The following C7orf33 variants were observed in gnomAD, a reference collection of about 807,000 sequenced individuals.
The protein encoded by C7orf33 is chromosome 7 open reading frame 33.
C7orf33 carries 15 observed loss-of-function variants against 13.4 expected under a neutral mutation model. The observed-to-expected ratio is 1.12, with a 90% CI of 0.75 to 1.72. C7orf33 has a LOEUF of 1.72. Among genes scored for constraint, C7orf33 ranks in the 40% most tolerant of loss-of-function variants. The probability of loss-of-function intolerance (pLI) is 0.00; values close to 1 mark genes in which losing one functional copy is unlikely to be tolerated. For synonymous variants in C7orf33, 73 were observed against 83.2 expected, an observed-to-expected ratio of 0.88 and a Z score of 0.67; for missense variants, 187 against 220.3, an observed-to-expected ratio of 0.85 and a Z score of 0.96.
intron 1 of C7orf33, among the ~76,000 whole-genome samples, chr7:148,592,535 G>A (rs537740150): frequency 5.2e-4 from 76 of 147,016 alleles, no homozygotes; most frequent in Admixed American, 1.8e-3. Flanking sequence ...TTTTTTTTGA[G>A]ATGGAGTCTA....
chr7:148,598,725 G>GAT (rs1161811167), intron 1 of C7orf33, among the ~76,000 whole-genome samples: 38 of 24,388 alleles, frequency 1.6e-3, no homozygotes, highest in South Asian at 3.7e-3. Context: ...TTCATTCCTG[G>GAT]ATATATATAT....
intron 1 of C7orf33, among the ~76,000 whole-genome samples, chr7:148,596,912 G>A (rs1009487969): frequency 6.6e-6 from 1 of 152,166 alleles, no homozygotes; most frequent in Non-Finnish European, 1.5e-5. Flanking sequence ...GAATCCTACA[G>A]TCCGTGGCCT....
At chr7:148,601,309 T>C (rs1236069849) in intron 1 of C7orf33, among the ~76,000 whole-genome samples, 1 of 152,206 alleles carries the variant, frequency 6.6e-6, no homozygotes, top group Non-Finnish European at 1.5e-5. Context: ...GATTCTTTAG[T>C]AGCAGGTTAT....
chr7:148,604,704 T>C (rs1310652660), intron 1 of C7orf33, among the ~76,000 whole-genome samples: 1 of 152,062 alleles, frequency 6.6e-6, no homozygotes, highest in Admixed American at 6.6e-5. Context: ...CAAAAACCTA[T>C]TGAAATTTTA....
At chr7:148,597,617 A>G (rs1796354762) in intron 1 of C7orf33, among the ~76,000 whole-genome samples, 1 of 152,186 alleles carries the variant, frequency 6.6e-6, no homozygotes, top group Non-Finnish European at 1.5e-5. Context: ...ATCAAATAAC[A>G]TAACAAGAAT....
chr7:148,607,266 T>G (rs1470387044), intron 1 of C7orf33, among the ~76,000 whole-genome samples: 1 of 152,164 alleles, frequency 6.6e-6, no homozygotes, highest in African/African-American at 2.4e-5. Flanking sequence ...TGGCAGATAA[T>G]GGTCTAAAAC....
At chr7:148,592,304 A>G (rs1287361443) in intron 1 of C7orf33, among the ~76,000 whole-genome samples, 1 of 152,200 alleles carries the variant, frequency 6.6e-6, no homozygotes, top group Non-Finnish European at 1.5e-5. Context: ...GGGAAAGCCC[A>G]TTTAGCATAA....
At chr7:148,610,373 T>C (rs1330772029) in intron 1 of C7orf33, among the ~76,000 whole-genome samples, 1 of 151,944 alleles carries the variant, frequency 6.6e-6, no homozygotes, top group Admixed American at 6.6e-5. Flanking sequence ...GGCAGAAAAA[T>C]GTGAAAAGAC....
intron 1 of C7orf33, among the ~76,000 whole-genome samples, chr7:148,607,575 A>G (rs1796488594): frequency 6.6e-6 from 1 of 152,218 alleles, no homozygotes; most frequent in African/African-American, 2.4e-5. Context: ...TCAGAAAAAG[A>G]ACAGATCCTT....
At chr7:148,603,511 A>G (rs576607225) in intron 1 of C7orf33, among the ~76,000 whole-genome samples, 33 of 152,332 alleles carry the variant, frequency 2.2e-4, no homozygotes, top group African/African-American at 7.5e-4. Flanking sequence ...GTCTCCAAAA[A>G]AAGAGAATCA....
At chr7:148,613,435 T>C (rs561272823) in intron 1 of C7orf33, among the ~76,000 whole-genome samples, 2 of 152,348 alleles carry the variant, frequency 1.3e-5, no homozygotes, top group South Asian at 2.1e-4. Context: ...AAATGATGAA[T>C]GGATAAATAA....
At chr7:148,609,978 A>G (rs770320042) in intron 1 of C7orf33, among the ~76,000 whole-genome samples, 20 of 152,224 alleles carry the variant, frequency 1.3e-4, no homozygotes, top group African/African-American at 4.3e-4. Context: ...AGAAGACTCA[A>G]TAATGCCTGA....
chr7:148,604,777 C>T (rs1796455237), intron 1 of C7orf33, among the ~76,000 whole-genome samples: 1 of 152,048 alleles, frequency 6.6e-6, no homozygotes, highest in Admixed American at 6.6e-5. Context: ...TAGGAAGTTA[C>T]TACAAGAAGA....
chr7:148,599,154 C>A (rs114331742), intron 1 of C7orf33, among the ~76,000 whole-genome samples: 3,593 of 152,068 alleles, frequency 0.024, 159 homozygotes, highest in African/African-American at 0.081. Context: ...TGAGCCACTG[C>A]CCCTGGCCAG....
chr7:148,597,637 A>G (rs549431906), intron 1 of C7orf33, among the ~76,000 whole-genome samples: 4 of 152,336 alleles, frequency 2.6e-5, no homozygotes, highest in African/African-American at 9.6e-5. Flanking sequence ...TCTTCATGCT[A>G]CTATCCAGCA....
At chr7:148,606,654 C>G (rs1050021488) in intron 1 of C7orf33, among the ~76,000 whole-genome samples, 2 of 152,198 alleles carry the variant, frequency 1.3e-5, no homozygotes, top group Non-Finnish European at 2.9e-5. Context: ...TCTCAGCTCA[C>G]TGCATCACTG....
At chr7:148,599,346 T>A (rs1156761606) in intron 1 of C7orf33, among the ~76,000 whole-genome samples, 1 of 152,130 alleles carries the variant, frequency 6.6e-6, no homozygotes, top group Admixed American at 6.5e-5. Flanking sequence ...CTGAACAATA[T>A]GTCTAAATAT....
chr7:148,603,445 G>A (rs879787608), intron 1 of C7orf33, among the ~76,000 whole-genome samples: 1 of 152,090 alleles, frequency 6.6e-6, no homozygotes, highest in Non-Finnish European at 1.5e-5. Flanking sequence ...GGCAGAGGCT[G>A]CAATGAGCCA....
intron 1 of C7orf33, among the ~76,000 whole-genome samples, chr7:148,608,309 A>G (rs937393266): frequency 6.6e-6 from 1 of 151,930 alleles, no homozygotes; most frequent in Non-Finnish European, 1.5e-5. Context: ...GCGCGCCTGT[A>G]GTCCCAGCTA....
Sources: allele counts gnomAD v4.1 joint callset (sites outside exome capture counted in the v4.1 genomes callset), GRCh38; gene constraint gnomAD v4.1.1; transcripts MANE v1.5; gene names NCBI Gene and HGNC (gene_info 2026-07-23, HGNC 2026-07-21).